The following PGM5 variants were observed in gnomAD, a reference collection of about 807,000 sequenced individuals.
PGM5 encodes phosphoglucomutase-like protein 5.
In PGM5, 23 loss-of-function variants were observed where a neutral mutation model predicts 59.2. That is an observed-to-expected ratio of 0.39 (90% CI 0.28 to 0.55). The LOEUF (loss-of-function observed/expected upper bound fraction) is 0.55, where lower values mean the gene tolerates loss of function less well. PGM5 is among the 20% of genes least tolerant of loss of function. The probability of loss-of-function intolerance (pLI) is 0.66; values close to 1 mark genes in which losing one functional copy is unlikely to be tolerated. For missense variants in PGM5, 574 were observed against 748.3 expected (o/e 0.77, Z 2.72); for synonymous variants, 214 against 286.0 (o/e 0.75, Z 2.54).
At chr9:68,488,577 T>A (rs1301704086) in intron 9 of PGM5, among the ~76,000 whole-genome samples, 2 of 152,152 alleles carry the variant, frequency 1.3e-5, no homozygotes, top group East Asian at 3.9e-4. Flanking sequence ...CCCAGGGACC[T>A]CCCTGGCCTC....
At chr9:68,376,088 G>T (rs1821873995) in intron 1 of PGM5, among the ~76,000 whole-genome samples, 1 of 152,086 alleles carries the variant, frequency 6.6e-6, no homozygotes, top group South Asian at 2.1e-4. Flanking sequence ...GCTTTGTTTT[G>T]GGTTGGTGAG....
intron 10 of PGM5, among the ~76,000 whole-genome samples, chr9:68,529,036 C>G (rs937724059): frequency 6.6e-6 from 1 of 152,128 alleles, no homozygotes; most frequent in Non-Finnish European, 1.5e-5. Flanking sequence ...CCCAGTGTTA[C>G]GTAATGGGAA....
At chr9:68,512,779 T>C (rs1249040932) in intron 10 of PGM5, among the ~76,000 whole-genome samples, 1 of 152,232 alleles carries the variant, frequency 6.6e-6, no homozygotes, top group Non-Finnish European at 1.5e-5. Flanking sequence ...GGAAGACAAA[T>C]TCAACCCATA....
chr9:68,476,522 G>T (rs1183492478), intron 7 of PGM5, among the ~76,000 whole-genome samples: 1 of 152,156 alleles, frequency 6.6e-6, no homozygotes, highest in Non-Finnish European at 1.5e-5. Flanking sequence ...CACTGATACA[G>T]CATAGCGTTC....
At position 68,453,489 on chromosome 9, in the gene PGM5, C is replaced by A. The variant is rs2132071770; in HGVS notation, c.1044-11604C>A. Among the ~76,000 whole-genome samples, 2 of 152,258 alleles carry A rather than the reference C, an allele frequency of 1.3e-5. 1 individual carries two copies. The highest frequency in any genetic ancestry group is 4.1e-4 in the South Asian group (2 of 4,830). On this transcript the variant is annotated intron_variant, in intron 6 of 10. Coordinates refer to ENST00000396396, the MANE Select transcript of PGM5 (RefSeq NM_021965.4). ...AAGTAGATGAGACTACAGGTGCACA[C>A]CACCACAGCTGGCTAATTTTAGTAT...
chr9:68,529,376 T>TC (rs1379724349), intron 10 of PGM5, among the ~76,000 whole-genome samples, 191 bp from the exon 11 acceptor site: 1 of 152,098 alleles, frequency 6.6e-6, no homozygotes, highest in Non-Finnish European at 1.5e-5. Context: ...GATCACCTTC[T>TC]CCCCCTACTC....
At chr9:68,392,602 T>C (rs1324540484) in intron 6 of PGM5, 129 bp downstream of exon 6, 3 of 1,443,688 alleles carry the variant, frequency 2.1e-6, no homozygotes, top group African/African-American at 1.4e-5. Flanking sequence ...GAACACGGTA[T>C]AGTGTACTGG....
Position 68,383,881 on chromosome 9 carries a change from T to C in PGM5, c.425-517T>C, listed in dbSNP as rs111795809. On this transcript the variant is annotated intron_variant, in intron 2 of 10. Transcript: ENST00000396396. ...CACATATTTTTAGTTGAGCTTCATT[T>C]TGGAAGTGACTAGAGATTGTGAGTT... Among the ~76,000 whole-genome samples, 644 of 152,026 alleles carry C rather than the reference T, an allele frequency of 4.2e-3. 2 individuals are homozygous for C. The highest frequency in any genetic ancestry group is 6.4e-3 in the Non-Finnish European group (433 of 67,854).
intron 6 of PGM5, among the ~76,000 whole-genome samples, chr9:68,401,714 G>A (rs571886508): frequency 5.9e-5 from 9 of 152,022 alleles, no homozygotes; most frequent in South Asian, 2.1e-4. Flanking sequence ...TTGGTCTTCC[G>A]AGGCTACATT....
chr9:68,421,716 C>CTA (rs1554682352), intron 6 of PGM5, among the ~76,000 whole-genome samples: 6 of 151,960 alleles, frequency 3.9e-5, no homozygotes, highest in Non-Finnish European at 5.9e-5. Context: ...GACTCCGTCT[C>CTA]AAAAACAAAG....
rs570180280 is a variant in PGM5 at position 68,417,953 on chromosome 9, A to G, written c.1043+25480A>G. On this transcript the variant is annotated intron_variant, in intron 6 of 10. Coordinates refer to ENST00000396396, the MANE Select transcript of PGM5 (RefSeq NM_021965.4). Reference sequence around the variant, plus strand: ...TGTTCCCTGTGTGCCTTACACTTCAATTGAGATGCACAATTGCCAAAGCTC... The same window carrying G: ...TGTTCCCTGTGTGCCTTACACTTCAGTTGAGATGCACAATTGCCAAAGCTC... 4.6e-5 allele frequency among the ~76,000 whole-genome samples: 7 copies of G among 152,354 alleles called. No homozygotes were observed. In the South Asian group the frequency reaches 1.2e-3, roughly 27 times the overall value.
rs1587232924 is a variant in PGM5 at position 68,521,203 on chromosome 9, C to T, written c.1615-8364C>T. Among the ~76,000 whole-genome samples, 3 of 152,190 alleles carry T rather than the reference C, an allele frequency of 2.0e-5. No homozygotes were observed. The East Asian group carries it at 5.8e-4, about 29-fold the overall frequency. The stretch of plus-strand genomic sequence containing the variant: ...CTCATCTGTAAAATGAGAATAATAC[C>T]ACCTACCTCATAGACTGTTTAGAGA... On this transcript the variant is annotated intron_variant, in intron 10 of 10. Transcript: ENST00000396396.
At chr9:68,479,811 G>A (rs1554686986) in intron 8 of PGM5, among the ~76,000 whole-genome samples, 20 of 151,294 alleles carry the variant, frequency 1.3e-4, no homozygotes. Context: ...GCGGGCGCCT[G>A]TAGTCCCAGC....
chr9:68,452,736 A>C (rs989524468), intron 6 of PGM5, among the ~76,000 whole-genome samples: 1 of 152,150 alleles, frequency 6.6e-6, no homozygotes, highest in African/African-American at 2.4e-5. Flanking sequence ...AGCTGTCCCC[A>C]CTAGGCTAGT....
At chr9:68,456,238 C>G (rs1345484506) in intron 6 of PGM5, among the ~76,000 whole-genome samples, 1 of 149,820 alleles carries the variant, frequency 6.7e-6, no homozygotes, top group Non-Finnish European at 1.5e-5. Context: ...CTTTTTTTTT[C>G]TTTTCTGTTT....
chr9:68,376,982 A>T (rs1373212364), intron 1 of PGM5, among the ~76,000 whole-genome samples: 3 of 146,942 alleles, frequency 2.0e-5, no homozygotes, highest in Non-Finnish European at 4.5e-5. Flanking sequence ...GCTGGAGTGC[A>T]GTGGCGCCAT....
intron 9 of PGM5, among the ~76,000 whole-genome samples, chr9:68,484,572 A>G (rs1295459183): frequency 6.7e-6 from 1 of 149,388 alleles, no homozygotes; most frequent in Non-Finnish European, 1.5e-5. Context: ...ACACACACAC[A>G]CACACAAAAC....
At chr9:68,373,865 C>A (rs1442835580) in intron 1 of PGM5, among the ~76,000 whole-genome samples, 1 of 152,308 alleles carries the variant, frequency 6.6e-6, no homozygotes, top group East Asian at 1.9e-4. Flanking sequence ...TTGCCTAGAG[C>A]CACATGATTA....
chr9:68,376,475 C>G (rs1164368208), intron 1 of PGM5, among the ~76,000 whole-genome samples: 1 of 129,570 alleles, frequency 7.7e-6, no homozygotes, highest in Non-Finnish European at 1.6e-5. Context: ...TGCTTTTGAG[C>G]TGTGTGTGTG....
Sources: gnomAD v4.1 joint callset for allele counts (sites outside exome capture counted in the v4.1 genomes callset) on GRCh38, gnomAD v4.1.1 for gene constraint, MANE v1.5 for transcripts, NCBI Gene and HGNC (gene_info 2026-07-23, HGNC 2026-07-21) for gene names.